PPIG: variants seen among roughly 807,000 people sequenced by gnomAD.
PPIG encodes the protein peptidyl-prolyl cis-trans isomerase G.
PPIG carries 26 observed loss-of-function variants against 87.9 expected under a neutral mutation model. That is an observed-to-expected ratio of 0.30 (90% confidence interval 0.22 to 0.41). The LOEUF is 0.41. Among genes scored for constraint, PPIG ranks in the 10% least tolerant of loss-of-function variants. PPIG has a pLI of 1.00. For missense variants in PPIG, 722 were observed against 879.4 expected, an observed-to-expected ratio of 0.82 and a Z score of 2.26; for synonymous variants, 308 against 276.5, an observed-to-expected ratio of 1.11 and a Z score of -1.13.
At chr2:169,594,845 C>G (rs995594821) in intron 1 of PPIG, among the ~76,000 whole-genome samples, 2 of 152,032 alleles carry the variant, frequency 1.3e-5, no homozygotes, top group Non-Finnish European at 2.9e-5. Context: ...GCTGGCTAGT[C>G]TTGAACTCCT....
intron 9 of PPIG, among the ~76,000 whole-genome samples, chr2:169,621,118 A>G (rs1488137002): frequency 2.6e-5 from 4 of 152,144 alleles, no homozygotes; most frequent in Admixed American, 2.6e-4. Flanking sequence ...TTACTGACTC[A>G]TTAAAGTTTA....
intron 9 of PPIG, among the ~76,000 whole-genome samples, chr2:169,621,748 T>TTA (rs1685758449): frequency 6.6e-6 from 1 of 151,424 alleles, no homozygotes; most frequent in South Asian, 2.1e-4. Context: ...TTTTTTTTTT[T>TTA]AATATTTTAG....
intron 9 of PPIG, among the ~76,000 whole-genome samples, chr2:169,630,566 A>T (rs1226100669): frequency 4.6e-5 from 7 of 152,118 alleles, no homozygotes; most frequent in Admixed American, 4.6e-4. Context: ...AGTTCTTTGG[A>T]TTAATAGATA....
intron 1 of PPIG, among the ~76,000 whole-genome samples, chr2:169,601,469 A>G (rs762865394): frequency 2.0e-5 from 3 of 152,354 alleles, no homozygotes; most frequent in Admixed American, 6.5e-5. Flanking sequence ...AAAATAAAGC[A>G]GAATAAGAGG....
In PPIG at chr2:169,638,136, C is replaced by G. The variant is rs1221751184; in HGVS notation, c.*613C>G. On this transcript the variant is annotated 3_prime_UTR_variant, in exon 14 of 14. Coordinates refer to ENST00000260970, the MANE Select transcript of PPIG (RefSeq NM_004792.3). ...TGTTTCCTATTAATGCTTTTCCTGT[C>G]TAGTTGTGTTTTACTTAACTGCCTA... The G allele has an allele frequency of 6.6e-6, 1 of 151,932 alleles. No individual in the cohort carries two copies. The highest frequency in any genetic ancestry group is 2.4e-5 in the African/African-American group (1 of 41,380). 9.4% of individuals were successfully genotyped at this position (151,932 alleles called of 1,614,324 possible).
intron 1 of PPIG, among the ~76,000 whole-genome samples, chr2:169,592,229 T>C (rs1684883984): frequency 6.6e-6 from 1 of 151,468 alleles, no homozygotes; most frequent in African/African-American, 2.4e-5. Flanking sequence ...TTTTTCTCTT[T>C]ACTTTTACTT....
chr2:169,607,298 A>T, intron 6 of PPIG, 150 bp downstream of exon 6: 1 of 507,140 alleles, frequency 2.0e-6, no homozygotes, highest in Non-Finnish European at 3.3e-6. Context: ...TGGTAAAAAA[A>T]ATTGCTTTTT....
intron 9 of PPIG, among the ~76,000 whole-genome samples, chr2:169,624,739 C>T (rs756556737): frequency 7.2e-5 from 11 of 152,106 alleles, no homozygotes; most frequent in Non-Finnish European, 1.5e-4. Context: ...AGGCGCCCAC[C>T]ACCACGCCCG....
At chr2:169,592,886 G>A (rs1218360921) in intron 1 of PPIG, among the ~76,000 whole-genome samples, 1 of 152,062 alleles carries the variant, frequency 6.6e-6, no homozygotes, top group Non-Finnish European at 1.5e-5. Context: ...ATCTTTTGTT[G>A]TCACCATTGT....
In PPIG at chr2:169,636,197, T is replaced by C; in HGVS notation, c.1123T>C (p.Ser375Pro). ...GCAGAGAGCTCAAAGAATGAGGGTA[T>C]CAAGTGGTGAAAGATGGATCAAGGG... ...EMQRAQRMRV[S>P]SGERWIKGDK... The change falls in exon 13 of 14, where the codon TCA becomes CCA. Residue 375 changes from serine (S) to proline (P), a missense_variant. Coordinates refer to ENST00000260970, the MANE Select transcript of PPIG (RefSeq NM_004792.3). The C allele has an allele frequency of 9.3e-6, 15 of 1,609,934 alleles. No individual in the cohort carries two copies. The highest frequency in any genetic ancestry group is 1.2e-5 in the Non-Finnish European group (14 of 1,178,936).
chr2:169,628,113 C>T (rs939046048), intron 9 of PPIG, among the ~76,000 whole-genome samples: 8 of 152,054 alleles, frequency 5.3e-5, no homozygotes, highest in African/African-American at 1.4e-4. Context: ...CAGTTGGGCT[C>T]GTGAGACAAA....
At chr2:169,614,802 AT>A in intron 9 of PPIG, 78 bp downstream of exon 9, 3 of 1,397,344 alleles carry the variant, frequency 2.1e-6, no homozygotes, top group Non-Finnish European at 1.9e-6. Flanking sequence ...TTGACATGAA[AT>A]TCATACTCAA....
chr2:169,603,457 C>CT (rs1234689493), intron 1 of PPIG, among the ~76,000 whole-genome samples, 185 bp from the exon 2 acceptor site: 1 of 151,644 alleles, frequency 6.6e-6, no homozygotes, highest in African/African-American at 2.4e-5. Flanking sequence ...ATTGAATGTG[C>CT]TTTTACTCAA....
intron 9 of PPIG, among the ~76,000 whole-genome samples, chr2:169,625,192 T>C (rs1190367733): frequency 6.6e-6 from 1 of 152,216 alleles, no homozygotes; most frequent in African/African-American, 2.4e-5. Flanking sequence ...AACAAACTTA[T>C]TCTTCCTGTC....
In PPIG at chr2:169,636,424, A is replaced by G; in HGVS notation, c.1166A>G (p.Asn389Ser). The G allele has an allele frequency of 6.5e-7, 1 of 1,535,270 alleles. No homozygotes were observed. Among genetic ancestry groups the G allele is most frequent in the Non-Finnish European group, 8.8e-7 (1 of 1,142,024 alleles). ...RWIKGDKSELNEIKENQRSPV... is the reference protein window; with the variant it reads ...RWIKGDKSELSEIKENQRSPV... ...TTCTTATTTTTTAGGAGTGAGTTGAATGAAATAAAAGAAAATCAGAGAAGT... is the reference window on the plus strand; with the variant it reads ...TTCTTATTTTTTAGGAGTGAGTTGAGTGAAATAAAAGAAAATCAGAGAAGT... Residue 389 changes from asparagine (N) to serine (S), a missense_variant, in exon 14 of 14, where the codon AAT (asparagine) becomes AGT (serine). Coordinates refer to ENST00000260970, the MANE Select transcript of PPIG (RefSeq NM_004792.3).
In PPIG at chr2:169,607,150, T is replaced by TA; in HGVS notation, c.289+7dup. The TA allele has an allele frequency of 6.6e-7, 1 of 1,518,006 alleles. No individual in the cohort carries two copies. Among genetic ancestry groups the TA allele is most frequent in the Non-Finnish European group, 9.1e-7 (1 of 1,100,880 alleles). 94.0% of individuals were successfully genotyped at this position (1,518,006 alleles called of 1,614,324 possible). On this transcript the variant is annotated splice_region_variant and intron_variant, in intron 6 of 13. Coordinates refer to ENST00000260970, the MANE Select transcript of PPIG (RefSeq NM_004792.3). The stretch of plus-strand genomic sequence containing the variant: ...CTATCTATGGAGGATTTTTTGAAGG[T>TA]AAAAATGTTTACATTTATATTATGT...
chr2:169,604,223 G>C lies in PPIG; in HGVS notation c.98G>C (p.Cys33Ser). Residue 33 changes from cysteine to serine, a missense_variant, in exon 4 of 14, where the codon TGC (cysteine) becomes TCC (serine). By Grantham distance (112) the Cys-to-Ser change is moderately radical (BLOSUM62 -1). Coordinates refer to ENST00000260970, the MANE Select transcript of PPIG (RefSeq NM_004792.3). ...RVVFELFSDV[C>S]PKTCENFRCL... The stretch of plus-strand genomic sequence containing the variant: ...GTCTTTGAATTATTTTCTGATGTGT[G>C]CCCCAAAACATGCGAGAACTTTCGT... 6.2e-7 allele frequency: 1 copy of C among 1,611,710 alleles called. No homozygotes were observed. Among genetic ancestry groups the C allele is most frequent in the Non-Finnish European group, 8.5e-7 (1 of 1,179,772 alleles).
chr2:169,585,935 A>G (rs1342940861), intron 1 of PPIG, among the ~76,000 whole-genome samples: 10 of 151,706 alleles, frequency 6.6e-5, no homozygotes, highest in Non-Finnish European at 1.5e-4. Context: ...CTTTGTAACA[A>G]TGACGGGTGG....
chr2:169,591,854 A>G (rs1684871476), intron 1 of PPIG, among the ~76,000 whole-genome samples: 2 of 151,860 alleles, frequency 1.3e-5, no homozygotes, highest in South Asian at 2.1e-4. Context: ...CAGCAAACAA[A>G]TCACCCACAG....
Sources: allele counts gnomAD v4.1 joint callset (sites outside exome capture counted in the v4.1 genomes callset), GRCh38; gene constraint gnomAD v4.1.1; transcripts MANE v1.5; gene names NCBI Gene and HGNC (gene_info 2026-07-23, HGNC 2026-07-21).